TNXB: variants seen among roughly 807,000 people sequenced by gnomAD.
TNXB encodes tenascin-X.
TNXB carries 183 observed loss-of-function variants against 340.5 expected under a neutral mutation model. The observed-to-expected ratio is 0.54, with a 90% CI of 0.48 to 0.61. The LOEUF is 0.61. Among genes scored for constraint, TNXB ranks in the 20% least tolerant of loss-of-function variants. TNXB has a pLI of 0.00. For missense variants in TNXB, 4,613 were observed against 5,446.4 expected (o/e 0.85, Z 4.82); for synonymous variants, 2,121 against 2,314.5 (o/e 0.92, Z 2.40).
rs1051593704 is a variant in TNXB at position 32,072,015 on chromosome 6, G to A, written c.4965C>T (p.Ser1655=). 1.4e-5 allele frequency: 23 copies of A among 1,607,152 alleles called. No homozygotes were observed. The highest frequency in any genetic ancestry group is 1.5e-5 in the Non-Finnish European group (18 of 1,176,694). ...LFGIQDGKRR[S]PVSVEAKTVA... ...CCGTCTTTGCCTCCACAGAGACTGGGCTGCGTCGTTTCCCATCCTGGATCC... is the reference window on the plus strand; with the variant it reads ...CCGTCTTTGCCTCCACAGAGACTGGACTGCGTCGTTTCCCATCCTGGATCC... Residue 1655 remains serine, a synonymous_variant, in exon 13 of 44, where the codon AGC becomes AGT. Coordinates refer to ENST00000644971, the MANE Select transcript of TNXB (RefSeq NM_001365276.2). This position sits in a 1 kb window ranked among gnomAD's most constrained non-coding sequence, Gnocchi z 4.4.
rs11344952 is a variant in TNXB at position 32,099,235 on chromosome 6, C to CT, written c.-8-1030dup. 4.7e-4 allele frequency among the ~76,000 whole-genome samples: 66 copies of CT among 141,376 alleles called. 1 individual carries two copies. Among genetic ancestry groups the CT allele is most frequent in the African/African-American group, 1.1e-3 (42 of 37,624 alleles). The allele number at this position is 141,376 out of a possible 152,430, so 92.7% of individuals were successfully genotyped here. Reference sequence around the variant, plus strand: ...GATTATCTTCTCCCTCTCTCTCTCACTTTTTTTTTTTTTTTTGAGATGGAA... The same window carrying CT: ...GATTATCTTCTCCCTCTCTCTCTCACTTTTTTTTTTTTTTTTTGAGATGGAA... On this transcript the variant is annotated intron_variant, in intron 1 of 43. Coordinates refer to ENST00000644971, the MANE Select transcript of TNXB (RefSeq NM_001365276.2).
chr6:32,091,480 AT>A (rs778449973), intron 4 of TNXB, among the ~76,000 whole-genome samples: 1,662 of 122,510 alleles, frequency 0.014, 24 homozygotes, highest in Middle Eastern at 0.044. Context: ...TGCTTCACTG[AT>A]TTTTTTTTTT....
At chr6:32,050,632 C>T (rs537233548) in intron 26 of TNXB, among the ~76,000 whole-genome samples, 279 of 152,066 alleles carry the variant, frequency 1.8e-3, no homozygotes, top group African/African-American at 6.2e-3. Context: ...GGGGTCTCCT[C>T]GCCATCTTTT....
Position 32,082,043 on chromosome 6 carries a change from G to T in TNXB, c.3729C>A (p.Gly1243=). 6.2e-7 allele frequency: 1 copy of T among 1,602,488 alleles called. No homozygotes were observed. Among genetic ancestry groups the T allele is most frequent in the Admixed American group, 1.7e-5 (1 of 58,278 alleles). Reference sequence around the variant, plus strand: ...GAGGTGGCTGCTACTCACCAGTGGTGCCATCGGCCGTGAGGGGGCCATACC... The same window carrying T: ...GAGGTGGCTGCTACTCACCAGTGGTTCCATCGGCCGTGAGGGGGCCATACC... ...KKRYGPLTAD[G]TTAPERKEEP... is the part of the protein sequence containing the mutation. Residue 1243 remains glycine (G), a synonymous_variant, in exon 9 of 44, where the codon GGC becomes GGA. Coordinates refer to ENST00000644971, the MANE Select transcript of TNXB (RefSeq NM_001365276.2). This position sits in a 1 kb window ranked among gnomAD's most constrained non-coding sequence, Gnocchi z 5.0.
At position 32,095,166 on chromosome 6, in the gene TNXB, C is replaced by T; in HGVS notation, c.2268G>A (p.Arg756=). 1.3e-6 allele frequency: 2 copies of T among 1,550,042 alleles called. No homozygotes were observed. Among genetic ancestry groups the T allele is most frequent in the Non-Finnish European group, 1.7e-6 (2 of 1,146,298 alleles). ...CTGTTGTCTCCTCCAAGAGATGCAT[C>T]CTCATGCCCTCAATGGTTGGCACCT... ...GEEVPTIEGM[R]MHLLEETTVR... is the part of the protein sequence containing the mutation. Residue 756 remains arginine (R), a synonymous_variant, in exon 4 of 44, where the codon AGG becomes AGA. Transcript: ENST00000644971.
At chr6:32,066,167 A>G (rs3117189) in intron 18 of TNXB, among the ~76,000 whole-genome samples, 137,559 of 152,176 alleles carry the variant, frequency 0.9, 62,346 homozygotes, top group African/African-American at 0.97. Flanking sequence ...CCAGGCAGGA[A>G]GATTCCTTGA....
chr6:32,053,064 A>G (rs1777395489), intron 25 of TNXB, 71 bp from the exon 26 acceptor site: 1 of 1,516,346 alleles, frequency 6.6e-7, no homozygotes, highest in South Asian at 1.2e-5. Context: ...GAGGAAGGAG[A>G]GCGAAGCTGT....
rs12333245 is a variant in TNXB, at chr6:32,051,992, G to A, written c.9115+678C>T. ...GTGTGGGAAGAGGAGTTCTGGAAGT[G>A]GAGGGTGACAGTCCACAGCAATGTG... is the stretch of plus-strand genomic sequence containing the variant. On this transcript the variant is annotated intron_variant, in intron 26 of 43. Coordinates refer to ENST00000644971, the MANE Select transcript of TNXB (RefSeq NM_001365276.2). This position sits in a 1 kb window ranked among gnomAD's most constrained non-coding sequence, Gnocchi z 4.7. 0.14 allele frequency among the ~76,000 whole-genome samples: 20,861 copies of A among 152,112 alleles called. 1,789 individuals are homozygous for A. The highest frequency in any genetic ancestry group is 0.3 in the South Asian group (1,425 of 4,810).
At chr6:32,044,163 G>A in intron 33 of TNXB, 34 bp from the exon 34 acceptor site, 2 of 1,459,312 alleles carry the variant, frequency 1.4e-6, no homozygotes, top group East Asian at 2.4e-5. Context: ...GACGCAGGCA[G>A]GGGCAGGGAG....
Position 32,068,198 on chromosome 6 carries a change from G to A in TNXB, c.6220+192C>T, listed in dbSNP as rs1026874086. ...CAGCCACCAGCACAGCAAAATTCCC[G>A]ATGGCCCCTCTCTGTTCAGGAGGAG... is the stretch of plus-strand genomic sequence containing the variant. On this transcript the variant is annotated intron_variant, in intron 17 of 43. Transcript: ENST00000644971. The surrounding 1 kb of genome is among the most constrained non-coding windows in gnomAD (Gnocchi z 5.3). Among the ~76,000 whole-genome samples the A allele has an allele frequency of 2.6e-5, 4 of 152,150 alleles. No individual in the cohort carries two copies. The highest frequency in any genetic ancestry group is 7.2e-5 in the African/African-American group (3 of 41,426).
In TNXB at chr6:32,108,560, C is replaced by T. The variant is rs1020610271; in HGVS notation, c.-9+621G>A. The stretch of plus-strand genomic sequence containing the variant: ...GGATCCTCTCTGCAGGCTCTGTGCA[C>T]GTCCCAGACCCGAGTCCTGACTGTC... On this transcript the variant is annotated intron_variant, in intron 1 of 43. Coordinates refer to ENST00000644971, the MANE Select transcript of TNXB (RefSeq NM_001365276.2). The surrounding 1 kb of genome is among the most constrained non-coding windows in gnomAD (Gnocchi z 4.8). Among the ~76,000 whole-genome samples the T allele has an allele frequency of 3.3e-5, 5 of 152,094 alleles. No homozygotes were observed. Among genetic ancestry groups the T allele is most frequent in the African/African-American group, 7.2e-5 (3 of 41,394 alleles).
At position 32,087,389 on chromosome 6, in the gene TNXB, C is replaced by T. The variant is rs2089522599; in HGVS notation, c.2780-1271G>A. 2 of 470,790 alleles carry T rather than the reference C, an allele frequency of 4.2e-6. No individual in the cohort carries two copies. The highest frequency in any genetic ancestry group is 8.5e-6 in the Non-Finnish European group (2 of 236,018). 29.2% of individuals were successfully genotyped at this position (470,790 alleles called of 1,614,324 possible). A position where few individuals can be genotyped will look rare whatever the true frequency, so the allele number is the denominator to read the frequency against. On this transcript the variant is annotated intron_variant, in intron 6 of 43. Transcript: ENST00000644971. The surrounding 1 kb of genome is among the most constrained non-coding windows in gnomAD (Gnocchi z 9.0). ...GTGCCCGGCACAGTCAGCTCACCGC[C>T]GGGGCCCTCTGCAGGCGGCTGAGGC...
At chr6:32,066,036 C>T (rs1382688865) in intron 18 of TNXB, among the ~76,000 whole-genome samples, 1 of 152,040 alleles carries the variant, frequency 6.6e-6, no homozygotes, top group African/African-American at 2.4e-5. Context: ...GTCTGTGGTT[C>T]GTTTTTAAAA....
In TNXB at chr6:32,048,013, C is replaced by A; in HGVS notation, c.10046-1G>T. ...CGGGGAGACGGTTTGGTGTCTGGGG[C>A]TGGAAAAGACAGTGAGGTGCATGGA... On this transcript the variant is annotated splice_acceptor_variant, in intron 29 of 43. Transcript: ENST00000644971. LOFTEE classifies it high-confidence loss of function. The A allele has an allele frequency of 6.2e-7, 1 of 1,602,304 alleles. No homozygotes were observed. The highest frequency in any genetic ancestry group is 8.5e-7 in the Non-Finnish European group (1 of 1,173,980).
chr6:32,047,649 A>G lies in TNXB; in HGVS notation c.10324+85T>C, dbSNP rs1262799337. ...GGTTGTGTCAGGGCTGATAGAGGGAATCTCACGGGAAGGCTGCAGGGCCAG... is the reference window on the plus strand; with the variant it reads ...GGTTGTGTCAGGGCTGATAGAGGGAGTCTCACGGGAAGGCTGCAGGGCCAG... On this transcript the variant is annotated intron_variant, in intron 30 of 43. Coordinates refer to ENST00000644971, the MANE Select transcript of TNXB (RefSeq NM_001365276.2). This position sits in a 1 kb window ranked among gnomAD's most constrained non-coding sequence, Gnocchi z 6.2. 5.7e-5 allele frequency: 82 copies of G among 1,446,856 alleles called. 1 individual carries two copies. The South Asian group carries it at 1.1e-3, about 19-fold the overall frequency. 89.6% of individuals were successfully genotyped at this position (1,446,856 alleles called of 1,614,324 possible). A position where few individuals can be genotyped will look rare whatever the true frequency, so the allele number is the denominator to read the frequency against.
Position 32,064,981 on chromosome 6 carries a change from C to T in TNXB, c.6681G>A (p.Gln2227=). Residue 2227 remains glutamine (Q), a synonymous_variant, in exon 19 of 44, where the codon CAG becomes CAA. Transcript: ENST00000644971. The surrounding 1 kb of genome is among the most constrained non-coding windows in gnomAD (Gnocchi z 5.3). The stretch of plus-strand genomic sequence containing the variant: ...TGGGCTGCCCGTCCCCATTCTTAAA[C>T]TGGACCAAGAAATGGTCAAACTGGC... The part of the protein sequence containing the change: ...PEGQFDHFLV[Q]FKNGDGQPKA... 6.2e-7 allele frequency: 1 copy of T among 1,612,740 alleles called. No individual in the cohort carries two copies. The highest frequency in any genetic ancestry group is 1.6e-4 in the Middle Eastern group (1 of 6,062).
rs745570028 is a variant in TNXB at position 32,068,777 on chromosome 6, C to G, written c.5902+45G>C. On this transcript the variant is annotated intron_variant, in intron 16 of 43. Transcript: ENST00000644971. The surrounding 1 kb of genome is among the most constrained non-coding windows in gnomAD (Gnocchi z 5.3). The stretch of plus-strand genomic sequence containing the variant: ...CCGCGGGACTCTGCTGTCCTCTGGA[C>G]TCTCCCAGCCATCTGAAAGGAGGCA... The G allele has an allele frequency of 1.3e-6, 2 of 1,591,870 alleles. No individual in the cohort carries two copies. The highest frequency in any genetic ancestry group is 8.6e-7 in the Non-Finnish European group (1 of 1,166,724).
chr6:32,087,597 A>T lies in TNXB; in HGVS notation c.2779+1188T>A. The T allele has an allele frequency of 6.6e-6, 2 of 303,274 alleles. No individual in the cohort carries two copies. The highest frequency in any genetic ancestry group is 4.4e-5 in the South Asian group (2 of 45,802). The allele number at this position is 303,274 out of a possible 1,614,324, so 18.8% of individuals were successfully genotyped here. ...TGGAGTCCCGTTTCCTGGTGCCGGGATCAGGGCTGGCGGTGGGGCGGGGGT... is the reference window on the plus strand; with the variant it reads ...TGGAGTCCCGTTTCCTGGTGCCGGGTTCAGGGCTGGCGGTGGGGCGGGGGT... On this transcript the variant is annotated intron_variant, in intron 6 of 43. Coordinates refer to ENST00000644971, the MANE Select transcript of TNXB (RefSeq NM_001365276.2). This position sits in a 1 kb window ranked among gnomAD's most constrained non-coding sequence, Gnocchi z 9.0.
rs373057447 is a variant in TNXB at position 32,073,772 on chromosome 6, G to A, written c.4556C>T (p.Pro1519Leu). The change falls in exon 12 of 44, where the codon CCG becomes CTG. Residue 1519 changes from proline to leucine, a missense_variant. Transcript: ENST00000644971. The surrounding 1 kb of genome is among the most constrained non-coding windows in gnomAD (Gnocchi z 4.6). ...GACCTCTCGCTGGTCTGCCGCCACC[G>A]GCACCACCTGGGGCTGCCCGTCCTT... ...KDKDGQPQVV[P>L]VAADQREVTV... 1.1e-5 allele frequency: 17 copies of A among 1,612,368 alleles called. No homozygotes were observed. Among genetic ancestry groups the A allele is most frequent in the Middle Eastern group, 1.6e-4 (1 of 6,082 alleles).
Sources: gnomAD v4.1 joint callset for allele counts (sites outside exome capture counted in the v4.1 genomes callset) on GRCh38, gnomAD v4.1.1 for gene constraint, Gnocchi (gnomAD v3.1) non-coding constraint, MANE v1.5 for transcripts, NCBI Gene and HGNC (gene_info 2026-07-23, HGNC 2026-07-21) for gene names.